NOTCH2: variants seen among roughly 807,000 people sequenced by gnomAD.
NOTCH2 encodes notch receptor 2, also known as neurogenic locus notch homolog protein 2.
A neutral mutation model predicts 235.8 loss-of-function variants in NOTCH2; 29 were observed. The ratio of observed to expected loss-of-function variants is 0.12; its 90% CI spans 0.09 to 0.17. NOTCH2 has a LOEUF of 0.17. NOTCH2 is among the 10% of genes least tolerant of loss of function. The pLI, the probability that NOTCH2 is intolerant of heterozygous loss-of-function variation, is 1.00. For missense variants in NOTCH2, 2,285 were observed against 3,150.2 expected (o/e 0.73, Z 6.57); for synonymous variants, 1,086 against 1,141.5 (o/e 0.95, Z 0.98).
At chr1:119,920,663 A>G (rs913451911) in intron 29 of NOTCH2, among the ~76,000 whole-genome samples, 1 of 152,036 alleles carries the variant, frequency 6.6e-6, no homozygotes, top group Non-Finnish European at 1.5e-5. Context: ...AGAGCACCCA[A>G]TTCTCACTTT....
Position 119,916,458 on chromosome 1 carries a change from G to A in NOTCH2, c.6264C>T (p.Asn2088=), listed in dbSNP as rs769574168. Residue 2088 remains asparagine (N), a synonymous_variant, in exon 34 of 34, where the codon AAC becomes AAT. Coordinates refer to ENST00000256646, the MANE Select transcript of NOTCH2 (RefSeq NM_024408.4). ...TGTGCTTCAGGCTGAGGAAAGATCT[G>A]TTGGGCCCACAGATGACAGGTGAGA... is the stretch of plus-strand genomic sequence containing the variant. The part of the protein sequence containing the change: ...SALSPVICGP[N]RSFLSLKHTP... 1 of 1,613,410 alleles carries A rather than the reference G, an allele frequency of 6.2e-7. No homozygotes were observed. The highest frequency in any genetic ancestry group is 8.5e-7 in the Non-Finnish European group (1 of 1,179,400).
rs1253765198 is a variant in NOTCH2, at chr1:119,914,671, G to C, written c.*635C>G. The stretch of plus-strand genomic sequence containing the variant: ...AACATACTTGAAAGGTTTGTGCTGA[G>C]AACCATACCAAAGTAAACCTTGTGA... On this transcript the variant is annotated 3_prime_UTR_variant, in exon 34 of 34. Coordinates refer to ENST00000256646, the MANE Select transcript of NOTCH2 (RefSeq NM_024408.4). The C allele has an allele frequency of 2.5e-5, 6 of 243,228 alleles. No individual in the cohort carries two copies. The East Asian group carries it at 3.5e-4, about 14-fold the overall frequency. 15.1% of individuals were successfully genotyped at this position (243,228 alleles called of 1,614,324 possible).
chr1:120,065,902 T>C (rs1195156638), intron 1 of NOTCH2, among the ~76,000 whole-genome samples: 1 of 151,936 alleles, frequency 6.6e-6, no homozygotes, highest in Non-Finnish European at 1.5e-5. Context: ...AAGAAAATGA[T>C]GTAAAATTTC....
At chr1:119,931,291 C>A (rs1320315148) in intron 22 of NOTCH2, among the ~76,000 whole-genome samples, 1 of 151,660 alleles carries the variant, frequency 6.6e-6, no homozygotes, top group Non-Finnish European at 1.5e-5. Context: ...AAATGTGTTA[C>A]ACCTAAATGA....
Position 119,925,413 on chromosome 1 carries a change from G to A in NOTCH2, c.4403C>T (p.Ser1468Phe), listed in dbSNP as rs919872084. 1.2e-6 allele frequency: 2 copies of A among 1,614,072 alleles called. No individual in the cohort carries two copies. The highest frequency in any genetic ancestry group is 1.7e-6 in the Non-Finnish European group (2 of 1,180,036). The stretch of plus-strand genomic sequence containing the variant: ...GATATAATCCCAGCAGGGAAGTGGG[G>A]AGGAGCAGTTGGCCCAGGGGTTCTC... ...TMENPWANCSSPLPCWDYINN... is the reference protein window; with the variant it reads ...TMENPWANCSFPLPCWDYINN... The change falls in exon 25 of 34, where the codon TCC becomes TTC. Residue 1468 changes from serine to phenylalanine, a missense_variant. Transcript: ENST00000256646.
chr1:119,966,396 A>G lies in NOTCH2; in HGVS notation c.1547T>C (p.Phe516Ser). ...NGQCVDKVNRFQCLCPPGFTG... is the reference protein window; with the variant it reads ...NGQCVDKVNRSQCLCPPGFTG... ...CTTACCAGGAGGACACAGGCACTGG[A>G]AACGATTGACTTTATCCACACACTG... is the stretch of plus-strand genomic sequence containing the variant. The change falls in exon 9 of 34, where the codon TTC becomes TCC. Residue 516 changes from phenylalanine (F) to serine (S), a missense_variant. Phe to Ser is a radical substitution (Grantham distance 155, BLOSUM62 -2). Coordinates refer to ENST00000256646, the MANE Select transcript of NOTCH2 (RefSeq NM_024408.4). 1 of 1,613,830 alleles carries G rather than the reference A, an allele frequency of 6.2e-7. No individual in the cohort carries two copies. Among genetic ancestry groups the G allele is most frequent in the Non-Finnish European group, 8.5e-7 (1 of 1,179,752 alleles).
At chr1:119,972,415 C>T (rs769694296) in intron 5 of NOTCH2, among the ~76,000 whole-genome samples, 96 of 152,150 alleles carry the variant, frequency 6.3e-4, no homozygotes, top group Non-Finnish European at 1.2e-3. Context: ...CTTATGCTAA[C>T]TCAAATATCC....
chr1:119,999,975 GA>G (rs1482582017), intron 3 of NOTCH2, among the ~76,000 whole-genome samples: 4,404 of 83,722 alleles, frequency 0.053, 58 homozygotes, highest in African/African-American at 0.057. Context: ...AAGAAAGAAA[GA>G]AAGGAAGGAA....
At chr1:119,948,942 T>A in intron 16 of NOTCH2, 65 bp downstream of exon 16, 2 of 1,607,976 alleles carry the variant, frequency 1.2e-6, no homozygotes, top group Non-Finnish European at 1.7e-6. Context: ...TATGATCTGA[T>A]AACCTGACCA....
rs2453043 is a variant in NOTCH2, at chr1:119,984,880, A to T, written c.874+2080T>A. Among the ~76,000 whole-genome samples, 1,243 of 152,258 alleles carry T rather than the reference A, an allele frequency of 8.2e-3. 17 individuals are homozygous for T. Among genetic ancestry groups the T allele is most frequent in the African/African-American group, 0.028 (1,149 of 41,524 alleles). On this transcript the variant is annotated intron_variant, in intron 5 of 33. Transcript: ENST00000256646. The stretch of plus-strand genomic sequence containing the variant: ...TAGAACATTTAGCTCAGCCTGGAGC[A>T]AGATCAGGGAAGCCTTCCTGAAGCA...
chr1:119,935,273 T>C, intron 22 of NOTCH2, 199 bp downstream of exon 22: 2 of 1,501,182 alleles, frequency 1.3e-6, no homozygotes, highest in Non-Finnish European at 1.8e-6. Flanking sequence ...CAGATAAAAC[T>C]GACAACATAA....
In NOTCH2 at chr1:119,929,117, G is replaced by T; in HGVS notation, c.3751C>A (p.Arg1251Ser). 3 of 1,614,178 alleles carry T rather than the reference G, an allele frequency of 1.9e-6. No individual in the cohort carries two copies. Among genetic ancestry groups the T allele is most frequent in the Non-Finnish European group, 2.5e-6 (3 of 1,180,036 alleles). Residue 1251 changes from arginine (R) to serine (S), a missense_variant, in exon 23 of 34, where the codon CGC becomes AGC. By Grantham distance (110) the Arg-to-Ser change is moderately radical. Around this residue, in one of 6 missense-constraint regions of NOTCH2, gnomAD observed 1,173 missense variants for 1,515.3 expected, o/e 0.77. Transcript: ENST00000256646. Reference sequence around the variant, plus strand: ...TCCCCAGCAAAGCCAGGCAAGCAGCGACAACTGTAGCCTCCAATCCTATCC... The same window carrying T: ...TCCCCAGCAAAGCCAGGCAAGCAGCTACAACTGTAGCCTCCAATCCTATCC... ...CMDRIGGYSC[R>S]CLPGFAGERC...
chr1:119,941,508 G>T lies in NOTCH2; in HGVS notation c.2981+18C>A. On this transcript the variant is annotated intron_variant, in intron 18 of 33. Transcript: ENST00000256646. ...TTTCTCTCGTAAGATGCTGATGCCC[G>T]AGGGACTGGTTGCTCACCTCTCAGT... The T allele has an allele frequency of 6.5e-7, 1 of 1,549,974 alleles. No individual in the cohort carries two copies. The highest frequency in any genetic ancestry group is 8.9e-7 in the Non-Finnish European group (1 of 1,122,192).
intron 2 of NOTCH2, among the ~76,000 whole-genome samples, chr1:120,028,450 TC>T (rs1553210400): frequency 6.6e-6 from 1 of 152,040 alleles, no homozygotes; most frequent in Non-Finnish European, 1.5e-5. Context: ...CGTTTTTTTT[TC>T]CCCCAGCTAG....
intron 5 of NOTCH2, among the ~76,000 whole-genome samples, chr1:119,978,998 A>G (rs1445358451): frequency 3.9e-5 from 6 of 152,258 alleles, no homozygotes; most frequent in African/African-American, 7.2e-5. Context: ...ATTCACTTAC[A>G]GGAGCTAATA....
intron 1 of NOTCH2, among the ~76,000 whole-genome samples, chr1:120,065,078 G>A (rs1448451576): frequency 4.6e-5 from 7 of 152,226 alleles, no homozygotes; most frequent in Admixed American, 2.6e-4. Flanking sequence ...CAAAGTCAAA[G>A]TGACCTTTAT....
At chr1:119,936,643 A>G (rs1219158892) in intron 21 of NOTCH2, among the ~76,000 whole-genome samples, 1 of 152,200 alleles carries the variant, frequency 6.6e-6, no homozygotes, top group Non-Finnish European at 1.5e-5. Flanking sequence ...GCTCATTTAT[A>G]TAACAATAGA....
intron 12 of NOTCH2, 57 bp downstream of exon 12, chr1:119,959,335 C>T: frequency 2.2e-6 from 2 of 916,094 alleles, no homozygotes; most frequent in Non-Finnish European, 1.8e-6. Flanking sequence ...CCTTTGGATG[C>T]TATATTCCCA....
At position 119,966,400 on chromosome 1, in the gene NOTCH2, G is replaced by C. The variant is rs782444829; in HGVS notation, c.1543C>G (p.Arg515Gly). The change falls in exon 9 of 34, where the codon CGT (arginine) becomes GGT (glycine). Residue 515 changes from arginine (R) to glycine (G), a missense_variant. Around this residue, in one of 6 missense-constraint regions of NOTCH2, gnomAD observed 431 missense variants for 757.8 expected, o/e 0.57. Transcript: ENST00000256646. ...CCAGGAGGACACAGGCACTGGAAAC[G>C]ATTGACTTTATCCACACACTGCCCA... is the stretch of plus-strand genomic sequence containing the variant. ...NNGQCVDKVN[R>G]FQCLCPPGFT... is the part of the protein sequence containing the mutation. The C allele has an allele frequency of 6.2e-7, 1 of 1,613,736 alleles. No individual in the cohort carries two copies.
Sources: gnomAD v4.1 joint callset for allele counts (sites outside exome capture counted in the v4.1 genomes callset) on GRCh38, gnomAD v4.1.1 for gene constraint, gnomAD v4.1.1 regional missense constraint, MANE v1.5 for transcripts, NCBI Gene and HGNC (gene_info 2026-07-23, HGNC 2026-07-21) for gene names.